The following GRAMD1B variants were observed in gnomAD, a reference collection of about 807,000 sequenced individuals.
The protein encoded by GRAMD1B is GRAM domain containing 1B.
In GRAMD1B, 37 loss-of-function variants were observed where a neutral mutation model predicts 99.7. The observed-to-expected ratio is 0.37, with a 90% CI of 0.29 to 0.49. GRAMD1B has a LOEUF of 0.49. Ranked by LOEUF, GRAMD1B falls within the 20% of genes least tolerant of loss-of-function variation. GRAMD1B has a pLI of 0.98. For synonymous variants in GRAMD1B, 427 were observed against 387.6 expected, an observed-to-expected ratio of 1.10 and a Z score of -1.19; for missense variants, 888 against 1,009.2, an observed-to-expected ratio of 0.88 and a Z score of 1.63.
intron 2 of GRAMD1B, among the ~76,000 whole-genome samples, chr11:123,487,349 T>A (rs1477127789): frequency 1.3e-5 from 2 of 152,126 alleles, no homozygotes; most frequent in African/African-American, 2.4e-5. Context: ...TAGGAGTCTG[T>A]CACATGGACA....
intron 1 of GRAMD1B, among the ~76,000 whole-genome samples, chr11:123,461,342 G>T (rs1320573019): frequency 1.3e-5 from 2 of 152,180 alleles, no homozygotes; most frequent in Non-Finnish European, 2.9e-5. Context: ...GTCCCCCAGG[G>T]CACCAGCATT....
chr11:123,560,359 C>A, intron 2 of GRAMD1B: 1 of 1,174,308 alleles, frequency 8.5e-7, no homozygotes, highest in Non-Finnish European at 1.1e-6. Flanking sequence ...CACGACCACA[C>A]CAAATAACAG....
Position 123,408,955 on chromosome 11 carries a change from T to A in GRAMD1B, c.-176+50156T>A, listed in dbSNP as rs183183802. On this transcript the variant is annotated intron_variant, in intron 1 of 20. Transcript: ENST00000638157. ...TATTGTTTCAGAAGACTAGATGCCATAGGACAAGAATTGAGCTGTTGTATT... is the reference window on the plus strand; with the variant it reads ...TATTGTTTCAGAAGACTAGATGCCAAAGGACAAGAATTGAGCTGTTGTATT... 1.1e-4 allele frequency among the ~76,000 whole-genome samples: 17 copies of A among 152,380 alleles called. No individual in the cohort carries two copies. In the East Asian group the frequency reaches 2.3e-3, roughly 21 times the overall value.
At chr11:123,493,527 A>G (rs1938859646) in intron 2 of GRAMD1B, among the ~76,000 whole-genome samples, 1 of 152,198 alleles carries the variant, frequency 6.6e-6, no homozygotes, top group South Asian at 2.1e-4. Context: ...TCTGGTCCTC[A>G]CTGTCCTGGT....
intron 2 of GRAMD1B, among the ~76,000 whole-genome samples, chr11:123,540,597 CTG>C (rs1243689710): frequency 6.3e-5 from 2 of 31,560 alleles, no homozygotes; most frequent in African/African-American, 2.1e-4. Flanking sequence ...ATTTGTTTGA[CTG>C]TTGTTTTTTT....
intron 1 of GRAMD1B, among the ~76,000 whole-genome samples, chr11:123,362,386 C>G (rs10893027): frequency 0.39 from 59,150 of 151,682 alleles, 13,107 homozygotes; most frequent in African/African-American, 0.61. Flanking sequence ...TCAGCACCCT[C>G]ATGGGCTCTT....
At chr11:123,386,435 C>CTT (rs34243520) in intron 1 of GRAMD1B, among the ~76,000 whole-genome samples, 2 of 96,192 alleles carry the variant, frequency 2.1e-5, no homozygotes, top group African/African-American at 3.6e-5. Flanking sequence ...TCACAATATA[C>CTT]TTTTTTTTTT....
chr11:123,544,940 A>T (rs1312986971), intron 2 of GRAMD1B, among the ~76,000 whole-genome samples: 1 of 152,172 alleles, frequency 6.6e-6, no homozygotes, highest in Non-Finnish European at 1.5e-5. Flanking sequence ...GCGATGGGAG[A>T]TAGGGGCCAG....
At chr11:123,479,810 A>G (rs531129343) in intron 1 of GRAMD1B, among the ~76,000 whole-genome samples, 2 of 152,202 alleles carry the variant, frequency 1.3e-5, no homozygotes, top group South Asian at 4.2e-4. Flanking sequence ...TTCCAGTAAA[A>G]CTTCATTTGT....
chr11:123,598,551 A>G, intron 7 of GRAMD1B: 1 of 1,551,310 alleles, frequency 6.4e-7, no homozygotes, highest in Non-Finnish European at 8.9e-7. Context: ...ATTTTTGGCA[A>G]ACAAAGAGGT....
chr11:123,380,837 C>T (rs907769853), intron 1 of GRAMD1B, among the ~76,000 whole-genome samples: 3 of 152,200 alleles, frequency 2.0e-5, no homozygotes, highest in Non-Finnish European at 2.9e-5. Context: ...CATCTCCCTC[C>T]TCATTCTGGG....
intron 1 of GRAMD1B, among the ~76,000 whole-genome samples, chr11:123,476,885 A>C (rs1951303510): frequency 6.6e-6 from 1 of 152,224 alleles, no homozygotes; most frequent in Non-Finnish European, 1.5e-5. Context: ...GAAGGACATG[A>C]CATTTCTGCA....
rs556723785 is a variant in GRAMD1B, at chr11:123,514,965, A to G, written c.452+34072A>G. 1.4e-4 allele frequency among the ~76,000 whole-genome samples: 21 copies of G among 152,346 alleles called. No individual in the cohort carries two copies. The South Asian group carries it at 4.3e-3, about 32-fold the overall frequency. ...TTACTTGGCAGGTGATAGATGCTCA[A>G]TAAATATTTGGTGAATGAACAAATA... is the stretch of plus-strand genomic sequence containing the variant. On this transcript the variant is annotated intron_variant, in intron 2 of 19. Transcript: ENST00000635736.
intron 14 of GRAMD1B, among the ~76,000 whole-genome samples, chr11:123,611,691 C>T (rs1294392878): frequency 1.3e-5 from 2 of 152,158 alleles, no homozygotes; most frequent in African/African-American, 4.8e-5. Flanking sequence ...GCTGGGTGAA[C>T]TTGAACAGAC....
rs553969772 is a variant in GRAMD1B, at chr11:123,560,542, G to A, written c.453-16825G>A. 23 of 1,192,182 alleles carry A rather than the reference G, an allele frequency of 1.9e-5. No individual in the cohort carries two copies. In the East Asian group the frequency reaches 8.0e-4, roughly 41 times the overall value. The allele number at this position is 1,192,182 out of a possible 1,614,324, so 73.9% of individuals were successfully genotyped here. ...TGGTCATGGAGGTGAGTGCCCTCCA[G>A]CCTCCTCAGGGCCCCCGCTCCCCGC... On this transcript the variant is annotated intron_variant, in intron 2 of 19. Coordinates refer to ENST00000635736, the MANE Select transcript of GRAMD1B (RefSeq NM_001387025.1).
chr11:123,445,987 G>T (rs1949627327), intron 1 of GRAMD1B, among the ~76,000 whole-genome samples: 1 of 152,086 alleles, frequency 6.6e-6, no homozygotes, highest in Non-Finnish European at 1.5e-5. Flanking sequence ...CCACACTCAT[G>T]TTCTCTTGTT....
chr11:123,402,482 G>C (rs1947702456), intron 1 of GRAMD1B, among the ~76,000 whole-genome samples: 1 of 152,150 alleles, frequency 6.6e-6, no homozygotes, highest in Admixed American at 6.5e-5. Flanking sequence ...AAAACTCCGA[G>C]GGGCTGTTTC....
chr11:123,589,373 A>G (rs78670653), intron 4 of GRAMD1B, among the ~76,000 whole-genome samples: 1,897 of 151,854 alleles, frequency 0.012, 28 homozygotes, highest in African/African-American at 0.033. Flanking sequence ...GAGGGTTTGC[A>G]GGAGGAGTCA....
chr11:123,531,551 C>A (rs1405698646), intron 2 of GRAMD1B, among the ~76,000 whole-genome samples: 1 of 152,080 alleles, frequency 6.6e-6, no homozygotes, highest in Non-Finnish European at 1.5e-5. Flanking sequence ...TCCCTCCCGG[C>A]CTTCCTGAGG....
Sources: allele counts gnomAD v4.1 joint callset (sites outside exome capture counted in the v4.1 genomes callset), GRCh38; gene constraint gnomAD v4.1.1; transcripts MANE v1.5; gene names NCBI Gene and HGNC (gene_info 2026-07-23, HGNC 2026-07-21).